RASAL2: variants seen among roughly 807,000 people sequenced by gnomAD.
The protein encoded by RASAL2 is RAS protein activator like 2.
Under a neutral mutation model 128.9 loss-of-function variants are expected in RASAL2, and 58 were observed. The observed-to-expected ratio is 0.45, with a 90% CI of 0.36 to 0.56. The LOEUF (loss-of-function observed/expected upper bound fraction) is 0.56. RASAL2 is among the 20% of genes least tolerant of loss of function. The probability of loss-of-function intolerance (pLI) is 0.00; values close to 1 mark genes in which losing one functional copy is unlikely to be tolerated. For missense variants in RASAL2, 1,360 were observed against 1,601.6 expected, an observed-to-expected ratio of 0.85 and a Z score of 2.57; for synonymous variants, 561 against 580.8, an observed-to-expected ratio of 0.97 and a Z score of 0.49.
At chr1:178,191,539 T>G (rs1257141925) in intron 1 of RASAL2, among the ~76,000 whole-genome samples, 1 of 152,188 alleles carries the variant, frequency 6.6e-6, no homozygotes, top group Non-Finnish European at 1.5e-5. Flanking sequence ...TGCACGAATT[T>G]CAGTAGAAAT....
At position 178,454,665 on chromosome 1, in the gene RASAL2, G is replaced by A; in HGVS notation, c.2211+17G>A. On this transcript the variant is annotated intron_variant, in intron 12 of 17. Transcript: ENST00000367649. ...CTTGATAAGGTAAAGTAGGTTGGTG[G>A]AAGATAGAGAACTTTAATGTACCTG... is the stretch of plus-strand genomic sequence containing the variant. The A allele has an allele frequency of 1.9e-6, 3 of 1,604,192 alleles. No individual in the cohort carries two copies. In the East Asian group the frequency reaches 6.7e-5, roughly 36 times the overall value.
intron 1 of RASAL2, among the ~76,000 whole-genome samples, chr1:178,140,988 A>G (rs925598808): frequency 2.6e-5 from 4 of 152,226 alleles, no homozygotes; most frequent in South Asian, 2.1e-4. Flanking sequence ...CAGCAGGCAC[A>G]TCACATGGCC....
At chr1:178,393,362 T>C (rs1338018342) in intron 4 of RASAL2, among the ~76,000 whole-genome samples, 1 of 152,222 alleles carries the variant, frequency 6.6e-6, no homozygotes, top group African/African-American at 2.4e-5. Flanking sequence ...TGGTAGACAG[T>C]GACAGATCCT....
At chr1:178,215,278 G>A (rs539079891) in intron 1 of RASAL2, among the ~76,000 whole-genome samples, 3 of 152,338 alleles carry the variant, frequency 2.0e-5, no homozygotes, top group Non-Finnish European at 4.4e-5. Flanking sequence ...GTGGCCATGT[G>A]TCTGAGATCT....
intron 3 of RASAL2, among the ~76,000 whole-genome samples, chr1:178,364,435 A>G (rs990110738): frequency 6.6e-6 from 1 of 152,208 alleles, no homozygotes; most frequent in Non-Finnish European, 1.5e-5. Context: ...TTACTTAACT[A>G]TAAAATGGGA....
At chr1:178,286,436 G>C (rs1056726854) in intron 2 of RASAL2, among the ~76,000 whole-genome samples, 3 of 135,954 alleles carry the variant, frequency 2.2e-5, no homozygotes, top group African/African-American at 1.1e-4. Context: ...TTGAGATGGA[G>C]TCTCTCTCTT....
chr1:178,168,989 A>G (rs1003270757), intron 1 of RASAL2, among the ~76,000 whole-genome samples: 3 of 152,120 alleles, frequency 2.0e-5, no homozygotes, highest in African/African-American at 7.2e-5. Flanking sequence ...CGGACAATGA[A>G]AAAAGATCAA....
At chr1:178,262,909 A>G (rs903381229) in intron 1 of RASAL2, among the ~76,000 whole-genome samples, 5 of 150,356 alleles carry the variant, frequency 3.3e-5, no homozygotes, top group African/African-American at 1.2e-4. Flanking sequence ...CTTATATTTC[A>G]TTTCTGCTTG....
At chr1:178,116,741 C>A (rs1659532641) in intron 1 of RASAL2, among the ~76,000 whole-genome samples, 1 of 152,132 alleles carries the variant, frequency 6.6e-6, no homozygotes, top group Non-Finnish European at 1.5e-5. Flanking sequence ...TCCTGAGTAA[C>A]TGGGATTACA....
intron 1 of RASAL2, among the ~76,000 whole-genome samples, chr1:178,272,821 G>A (rs558387331): frequency 3.3e-5 from 5 of 152,092 alleles, no homozygotes; most frequent in Admixed American, 6.5e-5. Context: ...CCAGCTACTC[G>A]GGAGGCTGAG....
chr1:178,096,362 T>C (rs1658682409), intron 1 of RASAL2, among the ~76,000 whole-genome samples: 1 of 152,180 alleles, frequency 6.6e-6, no homozygotes, highest in South Asian at 2.1e-4. Flanking sequence ...GGACCTAGTG[T>C]TAACTATCGT....
rs564412271 is a variant in RASAL2, at chr1:178,196,475, G to A, written c.203-87089G>A. 2.6e-5 allele frequency among the ~76,000 whole-genome samples: 4 copies of A among 152,300 alleles called. No individual in the cohort carries two copies. The South Asian group carries it at 8.3e-4, about 32-fold the overall frequency. On this transcript the variant is annotated intron_variant, in intron 1 of 17. Transcript: ENST00000367649. Reference sequence around the variant, plus strand: ...TCATCCTTGGAATCAACCAACCATGGATTGAAAATATTAGGGGAAAAAATT... The same window carrying A: ...TCATCCTTGGAATCAACCAACCATGAATTGAAAATATTAGGGGAAAAAATT...
intron 1 of RASAL2, among the ~76,000 whole-genome samples, chr1:178,145,925 A>G (rs1046778215): frequency 2.0e-5 from 3 of 152,218 alleles, no homozygotes; most frequent in African/African-American, 4.8e-5. Context: ...ATACCTAGCT[A>G]TAAGGGAAAC....
chr1:178,232,656 A>C (rs1172748351), intron 1 of RASAL2, among the ~76,000 whole-genome samples: 2 of 152,086 alleles, frequency 1.3e-5, no homozygotes, highest in Non-Finnish European at 2.9e-5. Context: ...TACCAGTTTG[A>C]ATTTTACCTA....
chr1:178,387,534 C>G (rs968738876), intron 3 of RASAL2, among the ~76,000 whole-genome samples: 2 of 151,796 alleles, frequency 1.3e-5, no homozygotes, highest in African/African-American at 2.4e-5. Context: ...CTCCCCCTAC[C>G]CCACAACAGT....
chr1:178,314,529 A>C (rs1418914096), intron 3 of RASAL2, among the ~76,000 whole-genome samples: 2 of 152,178 alleles, frequency 1.3e-5, no homozygotes, highest in African/African-American at 4.8e-5. Flanking sequence ...CATTTTATGA[A>C]TTCAAACTAC....
intron 3 of RASAL2, chr1:178,372,262 G>T (rs1671763170): frequency 1.0e-6 from 1 of 985,382 alleles, no homozygotes; most frequent in African/African-American, 1.7e-5. Context: ...TTCCCCCGGT[G>T]ATGTGGCGGA....
intron 1 of RASAL2, among the ~76,000 whole-genome samples, chr1:178,141,103 C>T (rs1660508770): frequency 6.6e-6 from 1 of 152,060 alleles, no homozygotes; most frequent in Non-Finnish European, 1.5e-5. Context: ...GGGAATGGTG[C>T]CAAGCCATTC....
chr1:178,144,000 C>G (rs1038618819), intron 1 of RASAL2, among the ~76,000 whole-genome samples: 8 of 152,034 alleles, frequency 5.3e-5, no homozygotes, highest in Non-Finnish European at 7.4e-5. Flanking sequence ...GGAATAATTT[C>G]TTTTCACTCT....
Sources: allele counts gnomAD v4.1 joint callset (sites outside exome capture counted in the v4.1 genomes callset), GRCh38; gene constraint gnomAD v4.1.1; transcripts MANE v1.5; gene names NCBI Gene and HGNC (gene_info 2026-07-23, HGNC 2026-07-21).